Variants in CPNE8 observed in about 807,000 individuals in gnomAD.
CPNE8 encodes the protein copine 8, also known as copine-8.
A neutral mutation model predicts 81.5 loss-of-function variants in CPNE8; 45 were observed. The ratio of observed to expected loss-of-function variants is 0.55; its 90% CI spans 0.44 to 0.71. The LOEUF is 0.71. Ranked by LOEUF, CPNE8 falls within the 30% of genes least tolerant of loss-of-function variation. The pLI is 0.00. For synonymous variants in CPNE8, 252 were observed against 226.3 expected, an observed-to-expected ratio of 1.11 and a Z score of -1.02; for missense variants, 594 against 672.1, an observed-to-expected ratio of 0.88 and a Z score of 1.28.
At chr12:38,799,731 T>G (rs1217032409) in intron 6 of CPNE8, among the ~76,000 whole-genome samples, 1 of 148,806 alleles carries the variant, frequency 6.7e-6, no homozygotes, top group Non-Finnish European at 1.5e-5. Flanking sequence ...ATTTCTGCAT[T>G]TCCATCTGAG....
intron 10 of CPNE8, among the ~76,000 whole-genome samples, chr12:38,738,930 C>T (rs1038074823): frequency 1.3e-5 from 2 of 151,406 alleles, no homozygotes; most frequent in South Asian, 2.1e-4. Context: ...CCTCCTGCCT[C>T]AGCCTCCCAA....
chr12:38,685,494 C>G lies in CPNE8; in HGVS notation c.1267G>C (p.Ala423Pro). 6.2e-7 allele frequency: 1 copy of G among 1,612,960 alleles called. No individual in the cohort carries two copies. The highest frequency in any genetic ancestry group is 8.5e-7 in the Non-Finnish European group (1 of 1,179,286). The change falls in exon 16 of 20, where the codon GCA becomes CCA. Residue 423 changes from alanine to proline, a missense_variant. Physicochemically the swap from Ala to Pro is conservative, Grantham distance 27. Coordinates refer to ENST00000331366, the MANE Select transcript of CPNE8 (RefSeq NM_153634.3). ...CCTTGTCTACTCTCTACTTACCTTG[C>G]TACATGATTAATTACAGGAGCAAAG... ...TNFAPVINHV[A>P]RYASSVKDGS... is the part of the protein sequence containing the mutation.
chr12:38,797,874 G>A (rs867565470), intron 6 of CPNE8, among the ~76,000 whole-genome samples: 3 of 152,270 alleles, frequency 2.0e-5, no homozygotes, highest in African/African-American at 4.8e-5. Context: ...GGAGCTGAAA[G>A]CAAAGGCTCG....
chr12:38,684,651 C>G (rs760992400), intron 16 of CPNE8, among the ~76,000 whole-genome samples: 5 of 152,070 alleles, frequency 3.3e-5, no homozygotes, highest in Non-Finnish European at 5.9e-5. Context: ...CGGTAATATT[C>G]ATTAGGGAAG....
rs181109058 is a variant in CPNE8, at chr12:38,680,213, C to T, written c.1272-2659G>A. Reference sequence around the variant, plus strand: ...AGTTCATATCTGGTTGGCTCAGATTCGTGGAATATTCTTTCAGCTTATTAT... The same window carrying T: ...AGTTCATATCTGGTTGGCTCAGATTTGTGGAATATTCTTTCAGCTTATTAT... On this transcript the variant is annotated intron_variant, in intron 16 of 19. Coordinates refer to ENST00000331366, the MANE Select transcript of CPNE8 (RefSeq NM_153634.3). 9.9e-5 allele frequency among the ~76,000 whole-genome samples: 15 copies of T among 151,938 alleles called. No individual in the cohort carries two copies. In the East Asian group the frequency reaches 2.9e-3, roughly 29 times the overall value.
At chr12:38,766,158 G>A (rs901045682) in intron 8 of CPNE8, among the ~76,000 whole-genome samples, 5 of 151,898 alleles carry the variant, frequency 3.3e-5, no homozygotes, top group African/African-American at 1.2e-4. Context: ...GCGCCTGGCC[G>A]TGAACATCAT....
rs536830733 is a variant in CPNE8 at position 38,700,858 on chromosome 12, GC to G, written c.961+2016del. 2.6e-5 allele frequency among the ~76,000 whole-genome samples: 4 copies of G among 152,182 alleles called. No homozygotes were observed. In the South Asian group the frequency reaches 8.3e-4, roughly 32 times the overall value. ...GGAGTTCCCTTGCAAATGCTCTCTT[GC>G]CTGCCACCATGTAAGACATAACTTT... On this transcript the variant is annotated intron_variant, in intron 14 of 19. Transcript: ENST00000331366.
intron 6 of CPNE8, among the ~76,000 whole-genome samples, chr12:38,797,284 C>A (rs1942511618): frequency 6.6e-6 from 1 of 152,214 alleles, no homozygotes; most frequent in Non-Finnish European, 1.5e-5. Flanking sequence ...AGCAGCCTAA[C>A]TGGGAGGCAC....
At chr12:38,904,085 CAA>C (rs1944527907) in intron 1 of CPNE8, among the ~76,000 whole-genome samples, 1 of 152,196 alleles carries the variant, frequency 6.6e-6, no homozygotes, top group East Asian at 1.9e-4. Flanking sequence ...TGTGAAAATG[CAA>C]AGTCAAGATT....
intron 14 of CPNE8, among the ~76,000 whole-genome samples, chr12:38,701,907 A>G (rs1244127898): frequency 6.6e-6 from 1 of 152,204 alleles, no homozygotes; most frequent in African/African-American, 2.4e-5. Flanking sequence ...GCTGAATTAG[A>G]GTCTGGTCTT....
At chr12:38,768,544 G>A (rs1021712885) in intron 7 of CPNE8, among the ~76,000 whole-genome samples, 6 of 140,474 alleles carry the variant, frequency 4.3e-5, no homozygotes, top group African/African-American at 1.5e-4. Context: ...TGTTTGAGAC[G>A]GAGTCTTGCT....
intron 19 of CPNE8, among the ~76,000 whole-genome samples, chr12:38,654,881 T>C (rs1238047387): frequency 1.3e-5 from 2 of 152,190 alleles, no homozygotes; most frequent in African/African-American, 4.8e-5. Context: ...TAAAAAGTCC[T>C]AAACACATTA....
intron 14 of CPNE8, among the ~76,000 whole-genome samples, chr12:38,702,159 A>G (rs1207046828): frequency 6.6e-6 from 1 of 152,176 alleles, no homozygotes; most frequent in Non-Finnish European, 1.5e-5. Flanking sequence ...AAAAAGACAA[A>G]TATAAACTAG....
chr12:38,729,756 T>C (rs1940788727), intron 11 of CPNE8, among the ~76,000 whole-genome samples: 1 of 152,050 alleles, frequency 6.6e-6, no homozygotes, highest in Non-Finnish European at 1.5e-5. Context: ...GCTCAATACA[T>C]ATTTGGTGAT....
intron 4 of CPNE8, among the ~76,000 whole-genome samples, chr12:38,846,966 G>C (rs1220653366): frequency 6.6e-6 from 1 of 151,946 alleles, no homozygotes; most frequent in Non-Finnish European, 1.5e-5. Flanking sequence ...TGCATATTTT[G>C]TGGCATAAAA....
chr12:38,693,695 G>C lies in CPNE8; in HGVS notation c.1105C>G (p.Leu369Val), dbSNP rs1470588821. The change falls in exon 15 of 20, where the codon CTG becomes GTG. Residue 369 changes from leucine (L) to valine (V), a missense_variant. Transcript: ENST00000331366. ...TGAGATATCCTTCCATCTGGAGGCA[G>C]TTTTGCACCAAATCCTAGAGCTGGA... ...MFPALGFGAK[L>V]PPDGRISHEF... The C allele has an allele frequency of 6.2e-7, 1 of 1,612,488 alleles. No individual in the cohort carries two copies. Among genetic ancestry groups the C allele is most frequent in the Non-Finnish European group, 8.5e-7 (1 of 1,179,430 alleles).
chr12:38,661,170 G>C (rs576349852), intron 19 of CPNE8, among the ~76,000 whole-genome samples: 1 of 152,258 alleles, frequency 6.6e-6, no homozygotes, highest in African/African-American at 2.4e-5. Flanking sequence ...TATGTTTATT[G>C]TGGCACTATT....
intron 6 of CPNE8, among the ~76,000 whole-genome samples, chr12:38,792,011 T>TA (rs567385045): frequency 0.064 from 8,895 of 139,766 alleles, 496 homozygotes; most frequent in East Asian, 0.19. Context: ...TAGGAGAAAT[T>TA]AAAAAAAAAA....
intron 10 of CPNE8, among the ~76,000 whole-genome samples, chr12:38,751,394 C>T (rs951194624): frequency 3.9e-5 from 6 of 152,124 alleles, no homozygotes; most frequent in Admixed American, 2.0e-4. Flanking sequence ...TATTATTGTA[C>T]TAGAGCTCTT....
Sources: allele counts gnomAD v4.1 joint callset (sites outside exome capture counted in the v4.1 genomes callset), GRCh38; gene constraint gnomAD v4.1.1; transcripts MANE v1.5; gene names NCBI Gene and HGNC (gene_info 2026-07-23, HGNC 2026-07-21).